The following PON2 variants were observed in gnomAD, a reference collection of about 807,000 sequenced individuals.
PON2 encodes the protein serum paraoxonase/arylesterase 2.
PON2 carries 27 observed loss-of-function variants against 36.6 expected under a neutral mutation model. That is an observed-to-expected ratio of 0.74 (90% CI 0.54 to 1.02). PON2 has a LOEUF of 1.02. Ranked by LOEUF, PON2 falls within the 50% of genes least tolerant of loss-of-function variation. The probability of loss-of-function intolerance (pLI) is 0.00; values close to 1 mark genes in which losing one functional copy is unlikely to be tolerated. For missense variants in PON2, 363 were observed against 421.1 expected (o/e 0.86, Z 1.21); for synonymous variants, 149 against 156.3 (o/e 0.95, Z 0.35).
intron 6 of PON2, among the ~76,000 whole-genome samples, chr7:95,408,540 T>C (rs780656389): frequency 6.6e-6 from 1 of 152,164 alleles, no homozygotes; most frequent in Non-Finnish European, 1.5e-5. Context: ...AATGGAAATA[T>C]AAGAGTGAAA....
chr7:95,416,169 T>TA, intron 3 of PON2, 73 bp downstream of exon 3: 4 of 1,608,690 alleles, frequency 2.5e-6, no homozygotes, highest in Non-Finnish European at 3.4e-6. Flanking sequence ...AAAAGCAACT[T>TA]ACTGTTCTGC....
At chr7:95,423,413 T>C (rs1789241418) in intron 2 of PON2, among the ~76,000 whole-genome samples, 1 of 151,744 alleles carries the variant, frequency 6.6e-6, no homozygotes, top group African/African-American at 2.4e-5. Flanking sequence ...TATTATGTAC[T>C]AGGGACATGT....
chr7:95,417,696 C>G (rs866271346), intron 2 of PON2, among the ~76,000 whole-genome samples: 11 of 140,050 alleles, frequency 7.9e-5, no homozygotes, highest in Non-Finnish European at 1.1e-4. Context: ...CACAGACACA[C>G]ACACACACAC....
In PON2 at chr7:95,405,225, T is replaced by G; in HGVS notation, c.*105A>C. The G allele has an allele frequency of 1.6e-6, 2 of 1,222,162 alleles. No individual in the cohort carries two copies. The highest frequency in any genetic ancestry group is 1.3e-5 in the South Asian group (1 of 77,534). 75.7% of individuals were successfully genotyped at this position (1,222,162 alleles called of 1,614,324 possible). A position where few individuals can be genotyped will look rare whatever the true frequency, so the allele number is the denominator to read the frequency against. On this transcript the variant is annotated 3_prime_UTR_variant, in exon 9 of 9. Transcript: ENST00000222572. ...TTACTGGAATAAAATTAACTACACA[T>G]GCCATACATTTCTGGGTCAATGTTG...
chr7:95,429,504 CATT>C (rs1156888649), intron 1 of PON2, among the ~76,000 whole-genome samples: 3 of 152,160 alleles, frequency 2.0e-5, no homozygotes, highest in Non-Finnish European at 4.4e-5. Context: ...AACCAACAGT[CATT>C]AGCATGAAAT....
chr7:95,417,724 C>CACACAGACACACAA (rs1169846530), intron 2 of PON2, among the ~76,000 whole-genome samples: 1 of 149,260 alleles, frequency 6.7e-6, no homozygotes, highest in African/African-American at 2.5e-5. Flanking sequence ...CACACACACA[C>CACACAGACACACAA]ACCGAGAGAG....
chr7:95,431,797 A>G (rs990473132), intron 1 of PON2, among the ~76,000 whole-genome samples: 1 of 152,110 alleles, frequency 6.6e-6, no homozygotes, highest in African/African-American at 2.4e-5. Flanking sequence ...GATAAAATAC[A>G]GGGTACCCAG....
chr7:95,412,504 A>C, intron 3 of PON2, 27 bp from the exon 4 acceptor site: 8 of 1,606,782 alleles, frequency 5.0e-6, no homozygotes, highest in Non-Finnish European at 6.8e-6. Context: ...AAAATGTTAA[A>C]TACAAAAGCT....
Position 95,435,025 on chromosome 7 carries a change from C to T in PON2, c.-74G>A, listed in dbSNP as rs1789535128. 5.7e-6 allele frequency: 8 copies of T among 1,409,096 alleles called. No homozygotes were observed. Among genetic ancestry groups the T allele is most frequent in the Admixed American group, 2.6e-5 (1 of 38,628 alleles). 87.3% of individuals were successfully genotyped at this position (1,409,096 alleles called of 1,614,324 possible). A position where few individuals can be genotyped will look rare whatever the true frequency, so the allele number is the denominator to read the frequency against. On this transcript the variant is annotated 5_prime_UTR_variant, in exon 1 of 9. Transcript: ENST00000222572. ...CGTGGGCGGTGCCATCTTCCCGGCT[C>T]GATGGTGCCGGCCGCGCTCCGCCCC... is the stretch of plus-strand genomic sequence containing the variant.
At chr7:95,418,646 AT>A (rs1273659969) in intron 2 of PON2, among the ~76,000 whole-genome samples, 1 of 152,058 alleles carries the variant, frequency 6.6e-6, no homozygotes, top group Non-Finnish European at 1.5e-5. Context: ...ATTTCAACTT[AT>A]TTTATTTCAA....
intron 2 of PON2, among the ~76,000 whole-genome samples, chr7:95,421,827 G>A (rs1479170721): frequency 6.6e-6 from 1 of 152,140 alleles, no homozygotes; most frequent in East Asian, 1.9e-4. Context: ...AAAAAGAAAG[G>A]GAGGCAAGCA....
intron 1 of PON2, among the ~76,000 whole-genome samples, chr7:95,427,947 A>C (rs1789353437): frequency 6.6e-6 from 1 of 152,234 alleles, no homozygotes. Flanking sequence ...TGATGATATG[A>C]GAGGAGGAAC....
At chr7:95,428,847 A>T (rs1432278071) in intron 1 of PON2, among the ~76,000 whole-genome samples, 2 of 152,198 alleles carry the variant, frequency 1.3e-5, no homozygotes, top group Non-Finnish European at 2.9e-5. Context: ...TACATAGATG[A>T]CATTTATTGA....
Position 95,413,661 on chromosome 7 carries a change from CCTT to C in PON2, c.202-1187_202-1185del, listed in dbSNP as rs1788991115. On this transcript the variant is annotated intron_variant, in intron 3 of 8. Transcript: ENST00000222572. The stretch of plus-strand genomic sequence containing the variant: ...TCATCATTACATTCTTAAGGTAAAG[CCTT>C]CTTGGTGATGTTAAATTTTATGTGA... Among the ~76,000 whole-genome samples the C allele has an allele frequency of 3.3e-5, 5 of 152,148 alleles. No homozygotes were observed. In the South Asian group the frequency reaches 1.0e-3, roughly 32 times the overall value.
chr7:95,413,153 G>A (rs983517181), intron 3 of PON2: 1 of 150,058 alleles, frequency 6.7e-6, no homozygotes, highest in African/African-American at 2.5e-5. Context: ...AATTAGCTGA[G>A]TGTTATGGTG....
intron 6 of PON2, among the ~76,000 whole-genome samples, chr7:95,408,073 T>C (rs1335442557): frequency 6.6e-6 from 1 of 152,210 alleles, no homozygotes; most frequent in Non-Finnish European, 1.5e-5. Flanking sequence ...CCTGCCTTGA[T>C]TTGATAAGCA....
rs1283951718 is a variant in PON2, at chr7:95,405,382, C to G, written c.1013G>C (p.Gly338Ala). Residue 338 changes from glycine to alanine, a missense_variant, in exon 9 of 9, where the codon GGG becomes GCG. Gly to Ala is a moderately conservative substitution (Grantham distance 60). Coordinates refer to ENST00000222572, the MANE Select transcript of PON2 (RefSeq NM_000305.3). ...QGSSVASVYD[G>A]KLLIGTLYHR... ...GTATAAAGTGCCTATGAGCAGCTTCCCATCATACACTGAGGCTACAGAACT... is the reference window on the plus strand; with the variant it reads ...GTATAAAGTGCCTATGAGCAGCTTCGCATCATACACTGAGGCTACAGAACT... The G allele has an allele frequency of 1.1e-5, 18 of 1,613,948 alleles. No homozygotes were observed. The highest frequency in any genetic ancestry group is 1.5e-5 in the Non-Finnish European group (18 of 1,179,858).
intron 3 of PON2, among the ~76,000 whole-genome samples, chr7:95,413,754 TA>T (rs1186983662): frequency 3.3e-5 from 5 of 152,170 alleles, no homozygotes; most frequent in African/African-American, 1.2e-4. Flanking sequence ...AGGCACACAA[TA>T]AAAAAGTCTT....
intron 5 of PON2, among the ~76,000 whole-genome samples, chr7:95,410,394 A>G (rs1788894326): frequency 6.6e-6 from 1 of 152,222 alleles, no homozygotes; most frequent in South Asian, 2.1e-4. Context: ...GACAGCAAGA[A>G]ATGTAGGGTT....
Sources: allele counts gnomAD v4.1 joint callset (sites outside exome capture counted in the v4.1 genomes callset), GRCh38; gene constraint gnomAD v4.1.1; transcripts MANE v1.5; gene names NCBI Gene and HGNC (gene_info 2026-07-23, HGNC 2026-07-21).